The following AUTS2 variants were observed in gnomAD, a reference collection of about 807,000 sequenced individuals.
AUTS2 encodes the protein activator of transcription and developmental regulator AUTS2.
AUTS2 carries 17 observed loss-of-function variants against 112.4 expected under a neutral mutation model. That is an observed-to-expected ratio of 0.15 (90% CI 0.10 to 0.23). The LOEUF is 0.23. Ranked by LOEUF, AUTS2 falls within the 10% of genes least tolerant of loss-of-function variation. The probability of loss-of-function intolerance (pLI) is 1.00; values close to 1 mark genes in which losing one functional copy is unlikely to be tolerated. For missense variants in AUTS2, 1,510 were observed against 1,701.6 expected (o/e 0.89, Z 1.98); for synonymous variants, 751 against 702.7 (o/e 1.07, Z -1.09).
chr7:70,138,966 ACTT>A (rs1333154068), intron 4 of AUTS2, among the ~76,000 whole-genome samples: 10 of 151,952 alleles, frequency 6.6e-5, no homozygotes, highest in African/African-American at 1.2e-4. Flanking sequence ...ATTTTGTATA[ACTT>A]CTTCTTTTTT....
chr7:70,477,270 A>G (rs1465402193), intron 5 of AUTS2, among the ~76,000 whole-genome samples: 4 of 152,186 alleles, frequency 2.6e-5, no homozygotes, highest in African/African-American at 7.2e-5. Context: ...GTAGTGGTGT[A>G]GCTAACATTA....
At chr7:69,858,502 C>T (rs1056913988) in intron 1 of AUTS2, among the ~76,000 whole-genome samples, 2 of 152,208 alleles carry the variant, frequency 1.3e-5, no homozygotes, top group Admixed American at 6.5e-5. Context: ...GGTCTTTTCT[C>T]TCTGACTTTC....
intron 1 of AUTS2, among the ~76,000 whole-genome samples, chr7:69,830,774 C>G (rs1791465542): frequency 6.6e-6 from 1 of 152,130 alleles, no homozygotes; most frequent in African/African-American, 2.4e-5. Flanking sequence ...TTTTCTTTGG[C>G]TTGATTGTAG....
At chr7:69,705,644 C>T (rs1225674741) in intron 1 of AUTS2, among the ~76,000 whole-genome samples, 2 of 152,138 alleles carry the variant, frequency 1.3e-5, no homozygotes, top group Non-Finnish European at 2.9e-5. Context: ...TGGGCCTATT[C>T]GTGGGAAATT....
chr7:70,327,824 T>C (rs1790560572), intron 4 of AUTS2, among the ~76,000 whole-genome samples: 1 of 152,218 alleles, frequency 6.6e-6, no homozygotes, highest in Non-Finnish European at 1.5e-5. Context: ...TATCATTTTC[T>C]TTGTATTTCT....
At chr7:70,117,283 C>A (rs542549739) in intron 2 of AUTS2, among the ~76,000 whole-genome samples, 29 of 151,902 alleles carry the variant, frequency 1.9e-4, no homozygotes, top group African/African-American at 6.3e-4. Context: ...TAGTAAGAAA[C>A]CTCCAGGATG....
chr7:70,441,653 C>T (rs1796128137), intron 5 of AUTS2, among the ~76,000 whole-genome samples: 1 of 152,186 alleles, frequency 6.6e-6, no homozygotes. Flanking sequence ...TCCCAAAGCA[C>T]TGATATTACA....
chr7:70,571,941 G>T (rs1801960094), intron 5 of AUTS2, among the ~76,000 whole-genome samples: 1 of 152,144 alleles, frequency 6.6e-6, no homozygotes, highest in South Asian at 2.1e-4. Flanking sequence ...CAGCTTTGGG[G>T]TATTAATGAC....
chr7:70,361,398 C>T (rs1792259449), intron 4 of AUTS2, among the ~76,000 whole-genome samples: 1 of 151,978 alleles, frequency 6.6e-6, no homozygotes, highest in Non-Finnish European at 1.5e-5. Flanking sequence ...GTATTTTGCT[C>T]GTGTCTTTTG....
chr7:70,346,203 C>T (rs1440729091), intron 4 of AUTS2, among the ~76,000 whole-genome samples: 1 of 152,160 alleles, frequency 6.6e-6, no homozygotes, highest in African/African-American at 2.4e-5. Context: ...ACATATGACA[C>T]TGCTTTTCCA....
chr7:70,304,833 T>C (rs1416734727), intron 4 of AUTS2, among the ~76,000 whole-genome samples: 1 of 149,956 alleles, frequency 6.7e-6, no homozygotes, highest in Non-Finnish European at 1.5e-5. Flanking sequence ...GCTCAACCTA[T>C]AATACCCAAA....
chr7:70,187,161 G>T (rs1217116677), intron 4 of AUTS2, among the ~76,000 whole-genome samples: 1 of 152,170 alleles, frequency 6.6e-6, no homozygotes, highest in Admixed American at 6.5e-5. Context: ...ATAATTAAGT[G>T]AACTTGAGAA....
chr7:69,762,517 C>A (rs1212303264), intron 1 of AUTS2, among the ~76,000 whole-genome samples: 1 of 151,748 alleles, frequency 6.6e-6, no homozygotes, highest in Non-Finnish European at 1.5e-5. Flanking sequence ...CCATGTTGCC[C>A]AAGCTGGTCT....
intron 5 of AUTS2, among the ~76,000 whole-genome samples, chr7:70,497,067 T>C (rs866703327): frequency 0.067 from 994 of 14,910 alleles, 3 homozygotes; most frequent in Admixed American, 0.091. Context: ...CGATCACACA[T>C]CCCACTCACA....
At chr7:69,894,257 T>TTG (rs1794646649) in intron 1 of AUTS2, among the ~76,000 whole-genome samples, 2 of 131,720 alleles carry the variant, frequency 1.5e-5, no homozygotes, top group South Asian at 2.6e-4. Flanking sequence ...AAAGCGTTTT[T>TTG]TTTTTTTTTT....
At chr7:70,008,224 C>G (rs1371913516) in intron 2 of AUTS2, among the ~76,000 whole-genome samples, 1 of 151,966 alleles carries the variant, frequency 6.6e-6, no homozygotes, top group South Asian at 2.1e-4. Context: ...TTATAATTCT[C>G]TCCCACAAAT....
At chr7:70,217,119 T>G (rs1811208832) in intron 4 of AUTS2, among the ~76,000 whole-genome samples, 1 of 152,234 alleles carries the variant, frequency 6.6e-6, no homozygotes, top group South Asian at 2.1e-4. Flanking sequence ...AAGTTTCAGC[T>G]TTTATTAGCA....
At chr7:69,696,178 G>GA (rs1393149645) in intron 1 of AUTS2, among the ~76,000 whole-genome samples, 3 of 152,240 alleles carry the variant, frequency 2.0e-5, no homozygotes, top group Non-Finnish European at 4.4e-5. Context: ...CTAGAAGCCT[G>GA]CGGTTAGCCT....
chr7:70,011,327 C>CTCCTG (rs1357563089), intron 2 of AUTS2, among the ~76,000 whole-genome samples: 2 of 144,142 alleles, frequency 1.4e-5, no homozygotes, highest in Non-Finnish European at 3.1e-5. Flanking sequence ...CTCCTCTCCT[C>CTCCTG]TCCTCTCCTC....
Sources: allele counts gnomAD v4.1 joint callset (sites outside exome capture counted in the v4.1 genomes callset), GRCh38; gene constraint gnomAD v4.1.1; transcripts MANE v1.5; gene names NCBI Gene and HGNC (gene_info 2026-07-23, HGNC 2026-07-21).